Variants in RHOBTB1 observed in about 807,000 individuals in gnomAD.
RHOBTB1 encodes the protein Rho related BTB domain containing 1.
RHOBTB1 carries 40 observed loss-of-function variants against 71.6 expected under a neutral mutation model. The ratio of observed to expected loss-of-function variants is 0.56; its 90% CI spans 0.43 to 0.73. The LOEUF is 0.73. RHOBTB1 is among the 30% of genes least tolerant of loss of function. The pLI is 0.00. For missense variants in RHOBTB1, 797 were observed against 894.0 expected (o/e 0.89, Z 1.38); for synonymous variants, 319 against 334.9 (o/e 0.95, Z 0.52).
chr10:60,880,208 A>T (rs879302428), intron 7 of RHOBTB1, among the ~76,000 whole-genome samples: 31,380 of 121,554 alleles, frequency 0.26, 3,702 homozygotes, highest in African/African-American at 0.36. Flanking sequence ...TGTGTGAGAG[A>T]GAGAGAGAGA....
upstream of RHOBTB1, among the ~76,000 whole-genome samples, chr10:61,001,733 C>T (rs563557557): frequency 6.6e-6 from 1 of 152,282 alleles, no homozygotes; most frequent in East Asian, 1.9e-4. Flanking sequence ...GGGCTGTCAC[C>T]CGCTGGCGCG....
At chr10:60,958,606 TTTTG>T (rs762495476) in intron 2 of RHOBTB1, among the ~76,000 whole-genome samples, 1 of 152,086 alleles carries the variant, frequency 6.6e-6, no homozygotes, top group African/African-American at 2.4e-5. Context: ...TATGTTGTTG[TTTTG>T]TTTGTTTGTT....
intron 4 of RHOBTB1, among the ~76,000 whole-genome samples, chr10:60,894,191 C>A (rs897006800): frequency 2.0e-5 from 3 of 152,146 alleles, no homozygotes; most frequent in African/African-American, 7.2e-5. Context: ...AAAATAATCA[C>A]TTGCAATGCA....
At chr10:60,954,768 T>C (rs1435823556) in intron 2 of RHOBTB1, among the ~76,000 whole-genome samples, 1 of 152,170 alleles carries the variant, frequency 6.6e-6, no homozygotes. Flanking sequence ...AGGAGATAAG[T>C]TGGTCAAGTA....
At chr10:60,883,948 T>C (rs2081445613) in intron 7 of RHOBTB1, among the ~76,000 whole-genome samples, 1 of 152,220 alleles carries the variant, frequency 6.6e-6, no homozygotes, top group African/African-American at 2.4e-5. Flanking sequence ...GTTGTCTCAG[T>C]AATGATGCTC....
intron 2 of RHOBTB1, among the ~76,000 whole-genome samples, chr10:60,937,518 A>G (rs917495007): frequency 2.6e-5 from 4 of 152,222 alleles, no homozygotes; most frequent in Non-Finnish European, 4.4e-5. Context: ...ACAAAGTTCC[A>G]TGTAGAAAAC....
chr10:60,869,882 T>C lies in RHOBTB1; in HGVS notation c.*1600A>G, dbSNP rs1007771517. On this transcript the variant is annotated 3_prime_UTR_variant, in exon 11 of 11. Transcript: ENST00000337910. ...TGGGCCTCTCCTAAGATCTTCTATC[T>C]GGTGTTTCCACTGCCAGTAATAAAT... 25 of 152,678 alleles carry C rather than the reference T, an allele frequency of 1.6e-4. No homozygotes were observed. Among genetic ancestry groups the C allele is most frequent in the Admixed American group, 1.5e-3 (23 of 15,290 alleles). 9.5% of individuals were successfully genotyped at this position (152,678 alleles called of 1,614,324 possible).
downstream of RHOBTB1, among the ~76,000 whole-genome samples, chr10:60,868,441 G>T (rs893588498): frequency 3.9e-5 from 6 of 152,178 alleles, no homozygotes; most frequent in South Asian, 1.2e-3. Flanking sequence ...CCAAACTCAA[G>T]ATTCACTTTG....
chr10:60,872,610 GA>G (rs2132183144), intron 9 of RHOBTB1, among the ~76,000 whole-genome samples: 1 of 151,594 alleles, frequency 6.6e-6, no homozygotes, highest in African/African-American at 2.4e-5. Flanking sequence ...GTGGCCTCTG[GA>G]AGGCACCAGC....
intron 2 of RHOBTB1, among the ~76,000 whole-genome samples, chr10:60,918,836 T>C (rs1262031820): frequency 2.0e-5 from 3 of 151,626 alleles, no homozygotes; most frequent in African/African-American, 7.3e-5. Flanking sequence ...AACCTCCACC[T>C]CCTGGGTTCA....
intron 2 of RHOBTB1, among the ~76,000 whole-genome samples, chr10:60,980,480 A>C (rs117616792): frequency 6.6e-6 from 1 of 152,190 alleles, no homozygotes; most frequent in East Asian, 1.9e-4. Context: ...ACAATTGTCT[A>C]TTATGACATT....
chr10:60,942,560 C>A (rs1229533968), intron 1 of RHOBTB1, among the ~76,000 whole-genome samples: 1 of 152,134 alleles, frequency 6.6e-6, no homozygotes, highest in Admixed American at 6.5e-5. Context: ...TCAGAGGAAA[C>A]CATGTTTAAT....
At chr10:60,898,962 C>T (rs112266728) in intron 4 of RHOBTB1, among the ~76,000 whole-genome samples, 1,956 of 152,276 alleles carry the variant, frequency 0.013, 21 homozygotes, top group Non-Finnish European at 0.021. Context: ...ACCGCAATTA[C>T]GTTTGCACCA....
chr10:60,942,859 ATTT>A (rs11414207), intron 1 of RHOBTB1, among the ~76,000 whole-genome samples: 1 of 148,320 alleles, frequency 6.7e-6, no homozygotes. Context: ...CGATAACGGT[ATTT>A]TTTTTTTTTT....
intron 2 of RHOBTB1, among the ~76,000 whole-genome samples, chr10:60,978,088 G>A (rs1589449040): frequency 6.6e-6 from 1 of 152,270 alleles, no homozygotes; most frequent in East Asian, 1.9e-4. Flanking sequence ...ATAAAATGCA[G>A]TATGAACATT....
chr10:60,900,027 G>A (rs547990109), intron 4 of RHOBTB1, among the ~76,000 whole-genome samples: 120 of 152,266 alleles, frequency 7.9e-4, no homozygotes, highest in African/African-American at 1.5e-3. Context: ...GCAAAGGCCC[G>A]AGGTAGGAGC....
chr10:60,977,783 G>A (rs556753095), intron 2 of RHOBTB1, among the ~76,000 whole-genome samples: 33 of 152,180 alleles, frequency 2.2e-4, no homozygotes, highest in African/African-American at 7.9e-4. Flanking sequence ...ACTTAATGTT[G>A]CATTAACTAC....
chr10:60,891,334 CTTTTTTTTT>C (rs756153141), intron 5 of RHOBTB1, among the ~76,000 whole-genome samples: 12 of 71,320 alleles, frequency 1.7e-4, no homozygotes, highest in Non-Finnish European at 2.7e-4. Context: ...TTGCTGTTTG[CTTTTTTTTT>C]TTTTTTTTTT....
downstream of RHOBTB1, among the ~76,000 whole-genome samples, chr10:60,868,806 G>T (rs2080655871): frequency 6.6e-6 from 1 of 152,162 alleles, no homozygotes; most frequent in Non-Finnish European, 1.5e-5. Flanking sequence ...TTATGTAAAA[G>T]GTGCCATGAT....
Sources: allele counts gnomAD v4.1 joint callset (sites outside exome capture counted in the v4.1 genomes callset), GRCh38; gene constraint gnomAD v4.1.1; transcripts MANE v1.5; gene names NCBI Gene and HGNC (gene_info 2026-07-23, HGNC 2026-07-21).